The following DUSP15 variants were observed in gnomAD, a reference collection of about 807,000 sequenced individuals.
DUSP15 encodes the protein dual specificity protein phosphatase 15.
In DUSP15, 23 loss-of-function variants were observed where a neutral mutation model predicts 26.3. The ratio of observed to expected loss-of-function variants is 0.87; its 90% CI spans 0.63 to 1.24. DUSP15 has a LOEUF of 1.24. Among genes scored for constraint, DUSP15 ranks in the 50% most tolerant of loss-of-function variants. DUSP15 has a pLI of 0.00. For synonymous variants in DUSP15, 143 were observed against 135.5 expected, an observed-to-expected ratio of 1.06 and a Z score of -0.39; for missense variants, 364 against 320.6, an observed-to-expected ratio of 1.14 and a Z score of -1.03.
chr20:31,856,903 G>C (rs1484689538), downstream of DUSP15, among the ~76,000 whole-genome samples: 1 of 152,066 alleles, frequency 6.6e-6, no homozygotes, highest in Non-Finnish European at 1.5e-5. Flanking sequence ...GCAGGCAGCA[G>C]AGATTCTGGA....
intron 8 of DUSP15, chr20:31,849,465 A>T: frequency 1.5e-6 from 1 of 649,844 alleles, no homozygotes; most frequent in Non-Finnish European, 2.9e-6. Flanking sequence ...TCCTCTGTTC[A>T]TGTTCCTTTG....
At position 31,862,561 on chromosome 20, in the gene DUSP15, C is replaced by G; in HGVS notation, c.435+10G>C. 6.3e-7 allele frequency: 1 copy of G among 1,596,524 alleles called. No homozygotes were observed. The highest frequency in any genetic ancestry group is 8.6e-7 in the Non-Finnish European group (1 of 1,168,828). ...CCCTGGCCCAACCCAGCCCTTGACC[C>G]CATCCCTACCTTCTGGGAACTGGCC... On this transcript the variant is annotated intron_variant, in intron 6 of 6. Coordinates refer to ENST00000339738, the MANE Select transcript of DUSP15 (RefSeq NM_080611.5).
chr20:31,845,861 G>A (rs2062371894), downstream of DUSP15, among the ~76,000 whole-genome samples: 1 of 152,160 alleles, frequency 6.6e-6, no homozygotes. Context: ...GACAGGATGT[G>A]AAACTGAGCG....
chr20:31,854,987 A>G (rs1464063400), intron 6 of DUSP15, among the ~76,000 whole-genome samples: 1 of 152,216 alleles, frequency 6.6e-6, no homozygotes, highest in Non-Finnish European at 1.5e-5. Flanking sequence ...ATTTATTAAC[A>G]CTGAACTCGC....
intron 6 of DUSP15, chr20:31,850,704 A>G: frequency 5.0e-6 from 8 of 1,603,972 alleles, no homozygotes; most frequent in Non-Finnish European, 6.8e-6. Flanking sequence ...GCAGTCAGGC[A>G]CCATCTCACC....
At chr20:31,869,644 CT>C in intron 1 of DUSP15, 47 bp from the exon 2 acceptor site, 1 of 1,608,364 alleles carries the variant, frequency 6.2e-7, no homozygotes, top group Non-Finnish European at 8.5e-7. Flanking sequence ...GCTGCACCCC[CT>C]TCCACCCCCA....
At chr20:31,863,679 A>G in intron 5 of DUSP15, 1 of 536,406 alleles carries the variant, frequency 1.9e-6, no homozygotes. Context: ...TTTACAGATG[A>G]GGACATTGAG....
chr20:31,868,692 C>T (rs1413922601), intron 2 of DUSP15, among the ~76,000 whole-genome samples: 9 of 152,082 alleles, frequency 5.9e-5, no homozygotes, highest in Non-Finnish European at 1.3e-4. Flanking sequence ...GTTGGCCAGG[C>T]TGGTCTCGAA....
At chr20:31,868,678 C>G (rs1309472313) in intron 2 of DUSP15, among the ~76,000 whole-genome samples, 2 of 152,048 alleles carry the variant, frequency 1.3e-5, no homozygotes, top group Non-Finnish European at 1.5e-5. Flanking sequence ...CGGGGTTTCA[C>G]TATGTTGGCC....
intron 4 of DUSP15, 111 bp from the exon 5 acceptor site, chr20:31,864,092 C>A: frequency 6.5e-7 from 1 of 1,541,142 alleles, no homozygotes; most frequent in Non-Finnish European, 8.8e-7. Flanking sequence ...CTGGGGTCCC[C>A]AGGTCAGCCA....
At chr20:31,846,019 CAG>C (rs1036708455), downstream of DUSP15, among the ~76,000 whole-genome samples, 3 of 152,064 alleles carry the variant, frequency 2.0e-5, no homozygotes, top group Non-Finnish European at 4.4e-5. Context: ...ACACAACGGA[CAG>C]AGACACCCAG....
intron 6 of DUSP15, among the ~76,000 whole-genome samples, chr20:31,852,547 A>G (rs951690464): frequency 6.6e-6 from 1 of 152,222 alleles, no homozygotes; most frequent in African/African-American, 2.4e-5. Context: ...ATGGTGGCTC[A>G]TGCCTGTAAT....
chr20:31,870,085 G>C lies in DUSP15; in HGVS notation c.21+232C>G. On this transcript the variant is annotated intron_variant, in intron 1 of 6. Coordinates refer to ENST00000339738, the MANE Select transcript of DUSP15 (RefSeq NM_080611.5). The surrounding 1 kb of genome is among the most constrained non-coding windows in gnomAD (Gnocchi z 6.6). ...TGGGAGTGACAGCCACAGCAAGACA[G>C]CGAGAGACACACAGAGTCACGGAGA... The C allele has an allele frequency of 3.2e-6, 4 of 1,257,562 alleles. No homozygotes were observed. The highest frequency in any genetic ancestry group is 6.0e-4 in the Middle Eastern group (2 of 3,354). 77.9% of individuals were successfully genotyped at this position (1,257,562 alleles called of 1,614,324 possible). A position where few individuals can be genotyped will look rare whatever the true frequency, so the allele number is the denominator to read the frequency against.
Position 31,870,311 on chromosome 20 carries a change from C to G in DUSP15, c.21+6G>C, listed in dbSNP as rs1376709561. On this transcript the variant is annotated splice_donor_region_variant and intron_variant, in intron 1 of 6. Coordinates refer to ENST00000339738, the MANE Select transcript of DUSP15 (RefSeq NM_080611.5). The surrounding 1 kb of genome is among the most constrained non-coding windows in gnomAD (Gnocchi z 6.6). ...CCGGGGAGGCTGCGCGGGGCCCGCC[C>G]CCTACCTTGGTCATGCCATTGCCCA... The G allele has an allele frequency of 1.7e-5, 21 of 1,253,762 alleles. No homozygotes were observed. Among genetic ancestry groups the G allele is most frequent in the South Asian group, 1.5e-4 (4 of 26,320 alleles). The allele number at this position is 1,253,762 out of a possible 1,614,324, so 77.7% of individuals were successfully genotyped here.
chr20:31,859,633 T>C (rs566880670), downstream of DUSP15, among the ~76,000 whole-genome samples: 2 of 152,330 alleles, frequency 1.3e-5, no homozygotes, highest in Admixed American at 6.5e-5. Flanking sequence ...ATCAGTCCTA[T>C]AGATGATGGG....
chr20:31,858,832 T>C (rs2062602300), downstream of DUSP15, among the ~76,000 whole-genome samples: 2 of 152,188 alleles, frequency 1.3e-5, no homozygotes, highest in Non-Finnish European at 2.9e-5. This position sits in a 1 kb window ranked among gnomAD's most constrained non-coding sequence, Gnocchi z 4.4. Context: ...TGCATACTCA[T>C]GACCTCCATC....
chr20:31,861,943 C>T (rs1240563232), intron 6 of DUSP15, among the ~76,000 whole-genome samples: 1 of 152,100 alleles, frequency 6.6e-6, no homozygotes, highest in African/African-American at 2.4e-5. Context: ...GCTAAAGTGA[C>T]CCCCAGGCGC....
downstream of DUSP15, among the ~76,000 whole-genome samples, chr20:31,846,247 G>A (rs7343559): frequency 7.0e-6 from 1 of 143,034 alleles, no homozygotes; most frequent in Non-Finnish European, 1.5e-5. Context: ...CACATACACA[G>A]ACACACAGAG....
At chr20:31,845,617 GC>G, downstream of DUSP15, 2 of 1,548,880 alleles carry the variant, frequency 1.3e-6, no homozygotes, top group Admixed American at 1.8e-5. Flanking sequence ...GGAATAGCCT[GC>G]CCAGGCTGGT....
Sources: gnomAD v4.1 joint callset for allele counts (sites outside exome capture counted in the v4.1 genomes callset) on GRCh38, gnomAD v4.1.1 for gene constraint, Gnocchi (gnomAD v3.1) non-coding constraint, MANE v1.5 for transcripts, NCBI Gene and HGNC (gene_info 2026-07-23, HGNC 2026-07-21) for gene names.